CABP1: variants seen among roughly 807,000 people sequenced by gnomAD.
CABP1 encodes calcium binding protein 1.
Under a neutral mutation model 34.3 loss-of-function variants are expected in CABP1, and 17 were observed. The ratio of observed to expected loss-of-function variants is 0.50; its 90% CI spans 0.34 to 0.74. CABP1 has a LOEUF of 0.74. Ranked by LOEUF, CABP1 falls within the 30% of genes least tolerant of loss-of-function variation. The pLI is 0.01. For missense variants in CABP1, 373 were observed against 511.1 expected (o/e 0.73, Z 2.61); for synonymous variants, 198 against 229.2 (o/e 0.86, Z 1.23).
At chr12:120,654,909 C>T (rs867917509) in intron 1 of CABP1, among the ~76,000 whole-genome samples, 1 of 152,196 alleles carries the variant, frequency 6.6e-6, no homozygotes, top group African/African-American at 2.4e-5. Flanking sequence ...CAGAGAAGGG[C>T]CCTGCCTTAG....
rs1880627378 is a variant in CABP1 at position 120,661,450 on chromosome 12, ATC to A, written c.1087+234_1087+235del. 6.0e-6 allele frequency: 3 copies of A among 498,652 alleles called. No homozygotes were observed. Among genetic ancestry groups the A allele is most frequent in the Admixed American group, 3.8e-5 (1 of 26,372 alleles). 30.9% of individuals were successfully genotyped at this position (498,652 alleles called of 1,614,324 possible). ...CTATCCATCCTCTACCTTTCCATTC[ATC>A]TGTCCATTTATCCATCCATTCATCT... On this transcript the variant is annotated intron_variant, in intron 5 of 5. Transcript: ENST00000316803. The surrounding 1 kb of genome is among the most constrained non-coding windows in gnomAD (Gnocchi z 5.1).
intron 1 of CABP1, chr12:120,658,837 C>A: frequency 6.6e-6 from 1 of 152,486 alleles, no homozygotes. Flanking sequence ...GCCTGGTGTC[C>A]TCCCTGCCCA....
Position 120,666,975 on chromosome 12 carries a change from C to T in CABP1, c.*75C>T. On this transcript the variant is annotated 3_prime_UTR_variant, in exon 6 of 6. Coordinates refer to ENST00000316803, the MANE Select transcript of CABP1 (RefSeq NM_001033677.2). Reference sequence around the variant, plus strand: ...GAGGAGCTAGAGCTTGCCTCACCCGCTGTAGCCGCCGAGAGCCCAGGATGT... The same window carrying T: ...GAGGAGCTAGAGCTTGCCTCACCCGTTGTAGCCGCCGAGAGCCCAGGATGT... The T allele has an allele frequency of 6.5e-7, 1 of 1,526,870 alleles. No individual in the cohort carries two copies. Among genetic ancestry groups the T allele is most frequent in the Non-Finnish European group, 8.8e-7 (1 of 1,133,824 alleles). 94.6% of individuals were successfully genotyped at this position (1,526,870 alleles called of 1,614,324 possible).
At chr12:120,655,073 T>C (rs1565997623) in intron 1 of CABP1, among the ~76,000 whole-genome samples, 1 of 152,116 alleles carries the variant, frequency 6.6e-6, no homozygotes, top group Non-Finnish European at 1.5e-5. Context: ...GCCCACCCGG[T>C]GCTTTAAATC....
chr12:120,644,476 T>C (rs1188847201), intron 1 of CABP1, among the ~76,000 whole-genome samples: 1 of 152,120 alleles, frequency 6.6e-6, no homozygotes, highest in Non-Finnish European at 1.5e-5. Context: ...CTAGAGAAGA[T>C]GTGATGTCAG....
the CABP1 span, among the ~76,000 whole-genome samples, chr12:120,677,716 T>C: frequency 6.6e-6 from 1 of 152,164 alleles, no homozygotes; most frequent in African/African-American, 2.4e-5. Flanking sequence ...TGAAGTTGCT[T>C]TCTATCGTAC....
Position 120,660,998 on chromosome 12 carries a change from A to T in CABP1, c.940-73A>T. 1 of 1,542,000 alleles carries T rather than the reference A, an allele frequency of 6.5e-7. No homozygotes were observed. Among genetic ancestry groups the T allele is most frequent in the Non-Finnish European group, 8.9e-7 (1 of 1,128,890 alleles). Reference sequence around the variant, plus strand: ...AGGGGGGCAATGACACTGGAGAAGGAGCTCAACTTTGGGATCTGCTGCTGC... The same window carrying T: ...AGGGGGGCAATGACACTGGAGAAGGTGCTCAACTTTGGGATCTGCTGCTGC... On this transcript the variant is annotated intron_variant, in intron 4 of 5. Transcript: ENST00000316803. This position sits in a 1 kb window ranked among gnomAD's most constrained non-coding sequence, Gnocchi z 5.0.
chr12:120,674,006 AC>A, the CABP1 span, among the ~76,000 whole-genome samples: 1 of 152,028 alleles, frequency 6.6e-6, no homozygotes, highest in African/African-American at 2.4e-5. Context: ...ACACAGCAAG[AC>A]CCCATCTCTA....
the CABP1 span, among the ~76,000 whole-genome samples, chr12:120,676,522 G>C: frequency 2.0e-5 from 3 of 152,046 alleles, no homozygotes; most frequent in Non-Finnish European, 4.4e-5. Context: ...CCGCCTCCCG[G>C]GTTGAAGCGA....
rs1593152073 is a variant in CABP1, at chr12:120,641,463, C to T, written c.654+124C>T. ...CCCCACGGATCACGCCTCGGCTCAC[C>T]TCGTCCTCCCCGGGCCGGCGCCCTT... On this transcript the variant is annotated intron_variant, in intron 1 of 5. Transcript: ENST00000316803. This position sits in a 1 kb window ranked among gnomAD's most constrained non-coding sequence, Gnocchi z 6.7. 2 of 1,074,302 alleles carry T rather than the reference C, an allele frequency of 1.9e-6. No individual in the cohort carries two copies. Among genetic ancestry groups the T allele is most frequent in the Non-Finnish European group, 2.4e-6 (2 of 845,166 alleles). The allele number at this position is 1,074,302 out of a possible 1,614,324, so 66.5% of individuals were successfully genotyped here. A position where few individuals can be genotyped will look rare whatever the true frequency, so the allele number is the denominator to read the frequency against.
chr12:120,658,819 G>A (rs1880426452), intron 1 of CABP1, among the ~76,000 whole-genome samples: 1 of 152,192 alleles, frequency 6.6e-6, no homozygotes, highest in Admixed American at 6.5e-5. Context: ...TTCAGGACGG[G>A]CACACCTGCC....
At chr12:120,668,642 C>T (rs1267962622), downstream of CABP1, among the ~76,000 whole-genome samples, 12 of 152,176 alleles carry the variant, frequency 7.9e-5, no homozygotes, top group African/African-American at 2.9e-4. Context: ...AGCAAGTGCC[C>T]TCAGGGCATT....
intron 1 of CABP1, among the ~76,000 whole-genome samples, chr12:120,648,750 G>T (rs1033098056): frequency 1.4e-4 from 21 of 152,042 alleles, no homozygotes; most frequent in African/African-American, 4.6e-4. Context: ...GCATGAAGTT[G>T]TGCGTCTGTA....
chr12:120,659,838 T>C, intron 1 of CABP1, 40 bp from the exon 2 acceptor site: 53 of 1,608,642 alleles, frequency 3.3e-5, no homozygotes, highest in Non-Finnish European at 4.4e-5. Context: ...GACTTCCAGG[T>C]CCCTTGTCGC....
chr12:120,656,050 G>T, intron 1 of CABP1: 1 of 1,612,964 alleles, frequency 6.2e-7, no homozygotes, highest in Non-Finnish European at 8.5e-7. Flanking sequence ...GCAGGGAGGT[G>T]ACACCCTGCC....
intron 1 of CABP1, chr12:120,655,502 A>G (rs1880120908): frequency 1.8e-6 from 2 of 1,112,510 alleles, no homozygotes; most frequent in Non-Finnish European, 2.2e-6. Flanking sequence ...TGCTTCATTT[A>G]TGTCAGCAAT....
intron 1 of CABP1, among the ~76,000 whole-genome samples, chr12:120,647,700 G>A (rs544086087): frequency 2.0e-5 from 3 of 150,658 alleles, no homozygotes; most frequent in Non-Finnish European, 3.0e-5. Flanking sequence ...CTCGAGTAGC[G>A]GCGACTGCAG....
At chr12:120,656,268 A>G (rs760473050) in intron 1 of CABP1, 32 of 1,551,186 alleles carry the variant, frequency 2.1e-5, no homozygotes, top group Non-Finnish European at 2.6e-5. Context: ...GAGAACAGGC[A>G]GCCTGTACGT....
At chr12:120,648,195 A>C (rs55874815) in intron 1 of CABP1, among the ~76,000 whole-genome samples, 7,678 of 152,214 alleles carry the variant, frequency 0.05, 225 homozygotes, top group South Asian at 0.11. Context: ...TTTTGCCTGC[A>C]AGTCTTTCCT....
Sources: allele counts gnomAD v4.1 joint callset (sites outside exome capture counted in the v4.1 genomes callset), GRCh38; gene constraint gnomAD v4.1.1; non-coding constraint Gnocchi (gnomAD v3.1); transcripts MANE v1.5; gene names NCBI Gene and HGNC (gene_info 2026-07-23, HGNC 2026-07-21).